Variants in HSPH1 observed in about 807,000 individuals in gnomAD.
The protein encoded by HSPH1 is heat shock protein family H (Hsp110) member 1.
Under a neutral mutation model 100.0 loss-of-function variants are expected in HSPH1, and 40 were observed. The observed-to-expected ratio is 0.40, with a 90% CI of 0.31 to 0.52. HSPH1 has a LOEUF of 0.52. Among genes scored for constraint, HSPH1 ranks in the 20% least tolerant of loss-of-function variants. HSPH1 has a pLI of 0.54. For synonymous variants in HSPH1, 403 were observed against 344.0 expected (o/e 1.17, Z -1.90); for missense variants, 876 against 1,015.1 (o/e 0.86, Z 1.86).
intron 7 of HSPH1, 27 bp from the exon 8 acceptor site, chr13:31,150,209 A>G (rs1473510890): frequency 2.7e-6 from 4 of 1,469,834 alleles, no homozygotes; most frequent in Non-Finnish European, 1.9e-6. Context: ...TTGTTTTTAG[A>G]AAAGTTAAGA....
chr13:31,140,468 C>T (rs1228683135), intron 13 of HSPH1, 159 bp from the exon 14 acceptor site: 2 of 472,710 alleles, frequency 4.2e-6, no homozygotes, highest in Non-Finnish European at 7.1e-6. Context: ...ACAAACCAAA[C>T]AGACATTTCC....
At position 31,150,159 on chromosome 13, in the gene HSPH1, GCA is replaced by G. The variant is rs1956431449; in HGVS notation, c.930_931del (p.Ala311Ter). The G allele has an allele frequency of 6.3e-7, 1 of 1,595,042 alleles. No homozygotes were observed. The highest frequency in any genetic ancestry group is 1.3e-5 in the African/African-American group (1 of 74,098). ...TACTTCTATCTTTTGCAGAAGTTCAGCACAGAGTTCTTCAAATTGTGACCTTA... is the reference window on the plus strand; with the variant it reads ...TACTTCTATCTTTTGCAGAAGTTCAGCAGAGTTCTTCAAATTGTGACCTTA... On this transcript the variant is annotated frameshift_variant, in exon 8 of 18. Coordinates refer to ENST00000320027, the MANE Select transcript of HSPH1 (RefSeq NM_006644.4). LOFTEE classifies it high-confidence loss of function.
intron 10 of HSPH1, among the ~76,000 whole-genome samples, chr13:31,146,704 C>A (rs1282470360): frequency 2.6e-5 from 4 of 152,098 alleles, no homozygotes. Context: ...GGCTTGAATC[C>A]TGGCTGTGTG....
chr13:31,157,924 G>C (rs1049993028), intron 2 of HSPH1, among the ~76,000 whole-genome samples: 2 of 139,554 alleles, frequency 1.4e-5, no homozygotes, highest in Non-Finnish European at 3.1e-5. Flanking sequence ...ATCAGATACC[G>C]TACTTTACTT....
intron 12 of HSPH1, among the ~76,000 whole-genome samples, chr13:31,142,256 G>A (rs1035569155): frequency 6.6e-6 from 1 of 152,098 alleles, no homozygotes; most frequent in Non-Finnish European, 1.5e-5. Context: ...AAGAAACTGG[G>A]TCTAGAAAGT....
At chr13:31,146,657 A>G (rs572108191) in intron 10 of HSPH1, among the ~76,000 whole-genome samples, 2 of 152,336 alleles carry the variant, frequency 1.3e-5, no homozygotes, top group East Asian at 3.9e-4. Flanking sequence ...GAACATTACT[A>G]ATGGTTAAAA....
chr13:31,153,312 T>TTTCC (rs1371054480), intron 4 of HSPH1, among the ~76,000 whole-genome samples: 2 of 152,178 alleles, frequency 1.3e-5, no homozygotes, highest in Admixed American at 6.5e-5. Context: ...TCTACTGGCA[T>TTTCC]TAGGAAATTA....
chr13:31,150,245 AC>A (rs1956436919), intron 7 of HSPH1, 63 bp from the exon 8 acceptor site: 2 of 1,163,576 alleles, frequency 1.7e-6, no homozygotes, highest in Non-Finnish European at 2.4e-6. Flanking sequence ...ACTTTTGACA[AC>A]CCAATGAATT....
intron 8 of HSPH1, 39 bp downstream of exon 8, chr13:31,149,913 TAA>T: frequency 6.6e-7 from 1 of 1,504,582 alleles, no homozygotes; most frequent in South Asian, 1.1e-5. Context: ...GGAAACTGTT[TAA>T]AGACTGTACA....
chr13:31,161,395 G>C, intron 1 of HSPH1, 81 bp downstream of exon 1: 2 of 1,558,302 alleles, frequency 1.3e-6, no homozygotes, highest in Non-Finnish European at 1.7e-6. Flanking sequence ...GCGGTGATCC[G>C]TACAGCCAGC....
In HSPH1 at chr13:31,148,403, G is replaced by A. The variant is rs899260260; in HGVS notation, c.1215C>T (p.Ile405=). Reference sequence around the variant, plus strand: ...CAGTATCTTCTGAATCATGGTTCCAGATCAGAGATATTGGAAAAGGAACTG... The same window carrying A: ...CAGTATCTTCTGAATCATGGTTCCAAATCAGAGATATTGGAAAAGGAACTG... ...TDAVPFPISL[I]WNHDSEDTEG... Residue 405 remains isoleucine (I), a synonymous_variant, in exon 9 of 18, where the codon ATC becomes ATT. Transcript: ENST00000320027. 1 of 1,576,336 alleles carries A rather than the reference G, an allele frequency of 6.3e-7. No homozygotes were observed. The highest frequency in any genetic ancestry group is 1.4e-5 in the African/African-American group (1 of 72,538).
In HSPH1 at chr13:31,138,515, A is replaced by C; in HGVS notation, c.2262T>G (p.Ser754=). 1.2e-6 allele frequency: 2 copies of C among 1,613,062 alleles called. No individual in the cohort carries two copies. The highest frequency in any genetic ancestry group is 1.7e-6 in the Non-Finnish European group (2 of 1,179,298). ...DESEMKKVEK[S]VNEVMEWMNN... is the part of the protein sequence containing the mutation. ...TCATCCATTCCATCACTTCATTAACAGACTTCTCCACTTTTTTCATTTCAG... is the reference window on the plus strand; with the variant it reads ...TCATCCATTCCATCACTTCATTAACCGACTTCTCCACTTTTTTCATTTCAG... The change falls in exon 17 of 18, where the codon TCT becomes TCG. Residue 754 remains serine, a synonymous_variant. Transcript: ENST00000320027.
chr13:31,152,981 C>G, intron 4 of HSPH1, 30 bp from the exon 5 acceptor site: 2 of 1,418,178 alleles, frequency 1.4e-6, no homozygotes, highest in Non-Finnish European at 1.0e-6. Flanking sequence ...TTTGAATTAT[C>G]TAGAACACAA....
At position 31,161,793 on chromosome 13, in the gene HSPH1, G is replaced by C. The variant is rs1956928721; in HGVS notation, c.-211C>G. The C allele has an allele frequency of 6.7e-7, 1 of 1,492,758 alleles. No individual in the cohort carries two copies. The highest frequency in any genetic ancestry group is 1.4e-5 in the African/African-American group (1 of 71,660). The allele number at this position is 1,492,758 out of a possible 1,614,324, so 92.5% of individuals were successfully genotyped here. A position where few individuals can be genotyped will look rare whatever the true frequency, so the allele number is the denominator to read the frequency against. ...GGGGACAGCGGCGGCTGGCTGATAAGAAACCCTGGGAGAAAGCGGGGCTCA... is the reference window on the plus strand; with the variant it reads ...GGGGACAGCGGCGGCTGGCTGATAACAAACCCTGGGAGAAAGCGGGGCTCA... On this transcript the variant is annotated 5_prime_UTR_variant, in exon 1 of 18. Coordinates refer to ENST00000320027, the MANE Select transcript of HSPH1 (RefSeq NM_006644.4).
At chr13:31,144,986 A>G (rs1956219093) in intron 11 of HSPH1, among the ~76,000 whole-genome samples, 1 of 152,146 alleles carries the variant, frequency 6.6e-6, no homozygotes, top group Admixed American at 6.5e-5. Flanking sequence ...AATAAACTGT[A>G]ATTATTGTAA....
Position 31,151,638 on chromosome 13 carries a change from C to T in HSPH1, c.634G>A (p.Ala212Thr), listed in dbSNP as rs1267592711. 1 of 1,612,378 alleles carries T rather than the reference C, an allele frequency of 6.2e-7. No individual in the cohort carries two copies. Residue 212 changes from alanine (A) to threonine (T), a missense_variant, in exon 6 of 18, where the codon GCT becomes ACT. By Grantham distance (58) the Ala-to-Thr change is moderately conservative (BLOSUM62 0). Transcript: ENST00000320027. ...DMGHSAFQVS[A>T]CAFNKGKLKV... ...AATTTTCCCTTGTTAAAAGCACAAG[C>T]AGACACTTGAAAAGCTGAATGTCCC...
chr13:31,161,367 C>A (rs996057777), intron 1 of HSPH1, 109 bp downstream of exon 1: 3 of 1,506,514 alleles, frequency 2.0e-6, no homozygotes, highest in Admixed American at 2.1e-5. Flanking sequence ...CGCCGCTGCC[C>A]AAACGCCTCC....
At chr13:31,152,543 A>AT in intron 5 of HSPH1, 2 of 227,328 alleles carry the variant, frequency 8.8e-6, no homozygotes, top group East Asian at 1.2e-4. Flanking sequence ...GAAGCCCAGA[A>AT]TTTTAAGATT....
intron 3 of HSPH1, 74 bp from the exon 4 acceptor site, chr13:31,154,829 T>C: frequency 8.0e-7 from 1 of 1,244,276 alleles, no homozygotes; most frequent in Non-Finnish European, 1.1e-6. Context: ...CTTCCAAAAA[T>C]TAGCACACAT....
Sources: allele counts gnomAD v4.1 joint callset (sites outside exome capture counted in the v4.1 genomes callset), GRCh38; gene constraint gnomAD v4.1.1; transcripts MANE v1.5; gene names NCBI Gene and HGNC (gene_info 2026-07-23, HGNC 2026-07-21).